The following ZC4H2 variants were observed in gnomAD, a reference collection of about 807,000 sequenced individuals.
ZC4H2 encodes zinc finger C4H2-type containing, also known as zinc finger C4H2 domain-containing protein.
For missense variants in ZC4H2, 137 were observed against 173.9 expected, an observed-to-expected ratio of 0.79 and a Z score of 1.19; for synonymous variants, 84 against 66.3, an observed-to-expected ratio of 1.27 and a Z score of -1.30.
chrX:64,953,262 C>G (rs1930961669), intron 1 of ZC4H2, among the ~76,000 whole-genome samples: 1 of 111,921 alleles, frequency 8.9e-6, no homozygotes. Context: ...CAGGCATGGG[C>G]AAGGACTTCA....
chrX:64,972,892 T>C (rs1931827505), intron 1 of ZC4H2, among the ~76,000 whole-genome samples: 1 of 112,424 alleles, frequency 8.9e-6, no homozygotes, highest in Non-Finnish European at 1.9e-5. Context: ...TAGTACTTTC[T>C]CCATTTTAAA....
chrX:65,033,557 C>G (rs1932964298), intron 1 of ZC4H2, among the ~76,000 whole-genome samples: 1 of 111,311 alleles, frequency 9.0e-6, no homozygotes, highest in Non-Finnish European at 1.9e-5. Context: ...AAAATAGAGG[C>G]AAGATCTTAG....
chrX:65,011,734 T>C (rs988227906), intron 1 of ZC4H2, among the ~76,000 whole-genome samples: 4 of 108,760 alleles, frequency 3.7e-5, no homozygotes, highest in African/African-American at 1.3e-4. Context: ...GTTGTTGTTG[T>C]TAGACTGAGT....
chrX:64,922,141 T>A (rs1929225354), intron 1 of ZC4H2, 153 bp from the exon 2 acceptor site: 3 of 1,081,596 alleles, frequency 2.8e-6, no homozygotes, highest in African/African-American at 3.9e-5. Context: ...CCAGGTGCAA[T>A]GGCTCATGCC....
In ZC4H2 at chrX:64,921,832, G is replaced by A. The variant is rs376951408; in HGVS notation, c.210C>T (p.His70=). 62 of 1,208,116 alleles carry A rather than the reference G, an allele frequency of 5.1e-5. No homozygotes were observed. In the East Asian group the frequency reaches 8.6e-4, roughly 17 times the overall value. Residue 70 remains histidine (H), a synonymous_variant, in exon 2 of 5, where the codon CAC becomes CAT. Transcript: ENST00000374839. Reference sequence around the variant, plus strand: ...AGCCACGTACCACATTGATGTCAGCGTGGATCAGTCGGAGTTCCTCCACAT... The same window carrying A: ...AGCCACGTACCACATTGATGTCAGCATGGATCAGTCGGAGTTCCTCCACAT... ...MAHVEELRLI[H]ADINVMENTI... is the part of the protein sequence containing the mutation.
chrX:65,007,916 G>A (rs1203615268), intron 1 of ZC4H2, among the ~76,000 whole-genome samples: 1 of 111,755 alleles, frequency 8.9e-6, no homozygotes, highest in Non-Finnish European at 1.9e-5. Context: ...CTTTTCTTGA[G>A]TAAGGCCCCA....
intron 1 of ZC4H2, among the ~76,000 whole-genome samples, chrX:64,925,690 G>A (rs1479919443): frequency 3.6e-5 from 4 of 112,022 alleles, no homozygotes; most frequent in Non-Finnish European, 7.5e-5. Context: ...TTGGGCAAGA[G>A]ACATTAATGC....
At chrX:65,020,108 A>G (rs973511909) in intron 1 of ZC4H2, among the ~76,000 whole-genome samples, 4 of 112,126 alleles carry the variant, frequency 3.6e-5, no homozygotes, top group Non-Finnish European at 7.5e-5. Context: ...GTTGGAAAAC[A>G]CTCTGCAGGA....
chrX:64,952,024 G>T (rs1479237442), intron 1 of ZC4H2, among the ~76,000 whole-genome samples: 2 of 111,078 alleles, frequency 1.8e-5, no homozygotes, highest in African/African-American at 6.6e-5. Flanking sequence ...CATATGGCTA[G>T]CCAGTTTTCC....
chrX:64,967,413 T>C (rs926140062), intron 1 of ZC4H2, among the ~76,000 whole-genome samples: 1 of 112,181 alleles, frequency 8.9e-6, no homozygotes, highest in African/African-American at 3.2e-5. Flanking sequence ...GACTTAAAAA[T>C]TGTATTAAGC....
chrX:64,940,108 C>T (rs192667091), intron 1 of ZC4H2, among the ~76,000 whole-genome samples: 1 of 111,832 alleles, frequency 8.9e-6, no homozygotes, highest in Admixed American at 9.5e-5. Flanking sequence ...ATTCTAACTG[C>T]CATGAGATAC....
At chrX:64,952,107 T>C (rs1035315927) in intron 1 of ZC4H2, among the ~76,000 whole-genome samples, 12 of 110,869 alleles carry the variant, frequency 1.1e-4, no homozygotes, top group African/African-American at 3.0e-4. Context: ...GATCAGATAG[T>C]TGTAGACATG....
At chrX:65,034,026 T>A (rs1017731065) in intron 1 of ZC4H2, among the ~76,000 whole-genome samples, 2 of 107,232 alleles carry the variant, frequency 1.9e-5, no homozygotes, top group African/African-American at 6.9e-5. Flanking sequence ...AAGTAAGAGA[T>A]TGCAGTTAGC....
intron 1 of ZC4H2, among the ~76,000 whole-genome samples, chrX:64,961,387 G>T (rs1010616272): frequency 9.0e-6 from 1 of 110,902 alleles, no homozygotes; most frequent in Non-Finnish European, 1.9e-5. Flanking sequence ...GAAATTTTTT[G>T]ATCTTAGACA....
intron 1 of ZC4H2, among the ~76,000 whole-genome samples, chrX:65,001,149 T>A (rs936820495): frequency 1.9e-5 from 2 of 107,177 alleles, no homozygotes; most frequent in Non-Finnish European, 3.9e-5. Flanking sequence ...TTAACCAAGG[T>A]TGAAACAAAG....
chrX:64,985,345 A>T (rs143646866), intron 1 of ZC4H2, among the ~76,000 whole-genome samples: 1,308 of 111,562 alleles, frequency 0.012, 17 homozygotes, highest in African/African-American at 0.04. Flanking sequence ...TTTTTCCAAC[A>T]TCTGTTGTTT....
At chrX:65,003,608 T>G (rs1932596303) in intron 1 of ZC4H2, among the ~76,000 whole-genome samples, 1 of 111,573 alleles carries the variant, frequency 9.0e-6, no homozygotes, top group South Asian at 3.8e-4. Context: ...CCAGGCGTGG[T>G]GGCTCATGCC....
At chrX:64,952,889 G>C (rs1301675388) in intron 1 of ZC4H2, among the ~76,000 whole-genome samples, 1 of 111,338 alleles carries the variant, frequency 9.0e-6, no homozygotes. Context: ...AAAGAACAAA[G>C]CTGGAGGCAT....
At chrX:64,945,883 G>T (rs986083464) in intron 1 of ZC4H2, among the ~76,000 whole-genome samples, 1 of 110,917 alleles carries the variant, frequency 9.0e-6, no homozygotes, top group South Asian at 3.8e-4. Flanking sequence ...ACACTGTGTG[G>T]GGAAAACCAC....
Sources: gnomAD v4.1 joint callset for allele counts (sites outside exome capture counted in the v4.1 genomes callset) on GRCh38, gnomAD v4.1.1 for gene constraint, MANE v1.5 for transcripts, NCBI Gene and HGNC (gene_info 2026-07-23, HGNC 2026-07-21) for gene names.